The following PDLIM1 variants were observed in gnomAD, a reference collection of about 807,000 sequenced individuals.
The protein encoded by PDLIM1 is PDZ and LIM domain protein 1.
In PDLIM1, 25 loss-of-function variants were observed where a neutral mutation model predicts 35.2. The observed-to-expected ratio is 0.71, with a 90% CI of 0.52 to 0.99. The LOEUF is 0.99. Ranked by LOEUF, PDLIM1 falls within the 50% of genes least tolerant of loss-of-function variation. The pLI, the probability that PDLIM1 is intolerant of heterozygous loss-of-function variation, is 0.00. For missense variants in PDLIM1, 363 were observed against 415.3 expected (o/e 0.87, Z 1.09); for synonymous variants, 152 against 154.0 (o/e 0.99, Z 0.10).
intron 1 of PDLIM1, among the ~76,000 whole-genome samples, chr10:95,288,213 A>C (rs1564608006): frequency 1.3e-5 from 2 of 152,238 alleles, no homozygotes; most frequent in Admixed American, 6.5e-5. Flanking sequence ...GCAAGTACAT[A>C]AGATTAGCAT....
intron 1 of PDLIM1, among the ~76,000 whole-genome samples, chr10:95,288,813 G>A (rs888181286): frequency 2.0e-5 from 3 of 152,166 alleles, no homozygotes; most frequent in African/African-American, 7.2e-5. Context: ...TAAAGCACCT[G>A]CCAAGGGCAT....
intron 1 of PDLIM1, among the ~76,000 whole-genome samples, chr10:95,282,134 G>A (rs1323550686): frequency 2.0e-5 from 3 of 152,194 alleles, no homozygotes; most frequent in African/African-American, 7.2e-5. Context: ...AATGCTACAT[G>A]CCTTTAAGCA....
chr10:95,288,394 A>T (rs1026650476), intron 1 of PDLIM1, among the ~76,000 whole-genome samples: 2 of 152,206 alleles, frequency 1.3e-5, no homozygotes, highest in Non-Finnish European at 2.9e-5. Flanking sequence ...AAACTATACC[A>T]GCAAATTGCC....
At chr10:95,256,986 A>AAAAGAAAGAAAAAGAAAGAAAG (rs1554832105) in intron 4 of PDLIM1, among the ~76,000 whole-genome samples, 1 of 61,658 alleles carries the variant, frequency 1.6e-5, no homozygotes, top group East Asian at 3.3e-4. Flanking sequence ...AAAAAAAAAA[A>AAAAGAAAGAAAAAGAAAGAAAG]AAAGAAAGAA....
chr10:95,270,193 G>A, intron 2 of PDLIM1, among the ~76,000 whole-genome samples: 1 of 152,120 alleles, frequency 6.6e-6, no homozygotes, highest in East Asian at 1.9e-4. Context: ...GATAGAAATG[G>A]AGATGAGAAT....
chr10:95,252,846 A>T (rs2035277939), intron 4 of PDLIM1, among the ~76,000 whole-genome samples: 1 of 152,156 alleles, frequency 6.6e-6, no homozygotes, highest in African/African-American at 2.4e-5. Flanking sequence ...GATCATAGAA[A>T]AATAGAATGG....
intron 2 of PDLIM1, among the ~76,000 whole-genome samples, chr10:95,270,281 A>G (rs2035452863): frequency 6.6e-6 from 1 of 151,850 alleles, no homozygotes; most frequent in Non-Finnish European, 1.5e-5. Context: ...AGTGTACAAA[A>G]TATTTTTATA....
intron 1 of PDLIM1, among the ~76,000 whole-genome samples, chr10:95,287,697 G>A (rs186619507): frequency 7.9e-5 from 12 of 152,060 alleles, no homozygotes; most frequent in Non-Finnish European, 4.4e-5. Context: ...TCAAGGAAAT[G>A]GGCAAGTGTT....
chr10:95,262,370 A>G (rs2026679), intron 4 of PDLIM1, among the ~76,000 whole-genome samples: 92,311 of 152,060 alleles, frequency 0.61, 29,520 homozygotes, highest in Non-Finnish European at 0.7. Context: ...ATTCCAAGTG[A>G]GAAAGGTTCT....
At chr10:95,268,683 C>A in intron 3 of PDLIM1, 95 bp downstream of exon 3, 1 of 826,704 alleles carries the variant, frequency 1.2e-6, no homozygotes, top group Non-Finnish European at 2.1e-6. Flanking sequence ...ATCCCCAGGC[C>A]TCCAGGGCAG....
Position 95,237,846 on chromosome 10 carries a change from A to G in PDLIM1, c.*79T>C. ...AAACCAAAGTAAGCAGAGAACTTTCAAGAGAGGAGAGGGCCAGAACACTGA... is the reference window on the plus strand; with the variant it reads ...AAACCAAAGTAAGCAGAGAACTTTCGAGAGAGGAGAGGGCCAGAACACTGA... On this transcript the variant is annotated 3_prime_UTR_variant, in exon 7 of 7. Transcript: ENST00000329399. 1.6e-6 allele frequency: 2 copies of G among 1,270,230 alleles called. No individual in the cohort carries two copies. Among genetic ancestry groups the G allele is most frequent in the African/African-American group, 1.5e-5 (1 of 67,616 alleles). The allele number at this position is 1,270,230 out of a possible 1,614,324, so 78.7% of individuals were successfully genotyped here. A position where few individuals can be genotyped will look rare whatever the true frequency, so the allele number is the denominator to read the frequency against.
At chr10:95,279,548 T>C (rs917758157) in intron 1 of PDLIM1, among the ~76,000 whole-genome samples, 6 of 152,170 alleles carry the variant, frequency 3.9e-5, no homozygotes, top group Non-Finnish European at 2.9e-5. Context: ...TGCCAGTTTT[T>C]AGGGGAAATC....
intron 3 of PDLIM1, among the ~76,000 whole-genome samples, chr10:95,267,387 G>A (rs977397330): frequency 2.6e-5 from 4 of 152,088 alleles, no homozygotes; most frequent in Non-Finnish European, 4.4e-5. Context: ...AACATTTATG[G>A]TAAATTTAAT....
rs1338341427 is a variant in PDLIM1 at position 95,247,251 on chromosome 10, A to G, written c.649T>C (p.Leu217=). The stretch of plus-strand genomic sequence containing the variant: ...GACTCCAGGATTTCCTGCAAAACCA[A>G]GAAAGACGTGGACTGTTTCGGGGGC... The part of the protein sequence containing the change: ...NEPPKQSTSF[L]VLQEILESEE... Residue 217 remains leucine (L), a synonymous_variant, in exon 5 of 7, where the codon TTG becomes CTG. Coordinates refer to ENST00000329399, the MANE Select transcript of PDLIM1 (RefSeq NM_020992.4). The G allele has an allele frequency of 1.2e-6, 2 of 1,613,860 alleles. No individual in the cohort carries two copies. Among genetic ancestry groups the G allele is most frequent in the East Asian group, 4.5e-5 (2 of 44,876 alleles).
chr10:95,289,689 C>A (rs1412891920), intron 1 of PDLIM1, among the ~76,000 whole-genome samples: 2 of 152,204 alleles, frequency 1.3e-5, no homozygotes, highest in Non-Finnish European at 2.9e-5. Context: ...CTCCACCCTT[C>A]CCCCAACCCC....
rs777131171 is a variant in PDLIM1 at position 95,263,875 on chromosome 10, C to T, written c.522G>A (p.Ala174=). 24 of 1,611,700 alleles carry T rather than the reference C, an allele frequency of 1.5e-5. No individual in the cohort carries two copies. The East Asian group carries it at 4.5e-4, about 30-fold the overall frequency. ...ESKTAASGVE[A]NSRPLDHAQP... is the part of the protein sequence containing the mutation. ...CCTGGGCTACTTACGGTCTGCTGTTCGCCTCCACCCCGCTGGCAGCAGTCT... is the reference window on the plus strand; with the variant it reads ...CCTGGGCTACTTACGGTCTGCTGTTTGCCTCCACCCCGCTGGCAGCAGTCT... The change falls in exon 4 of 7, where the codon GCG becomes GCA. Residue 174 remains alanine, a synonymous_variant. Transcript: ENST00000329399.
chr10:95,288,265 A>G (rs1385509813), intron 1 of PDLIM1, among the ~76,000 whole-genome samples: 1 of 152,246 alleles, frequency 6.6e-6, no homozygotes, highest in African/African-American at 2.4e-5. Flanking sequence ...GACTGGAGCC[A>G]ATACCACAAT....
At chr10:95,287,665 T>A (rs1439348361) in intron 1 of PDLIM1, among the ~76,000 whole-genome samples, 2 of 151,794 alleles carry the variant, frequency 1.3e-5, no homozygotes, top group African/African-American at 4.8e-5. Flanking sequence ...ACATGGAAAA[T>A]TTTTTTAATT....
At chr10:95,279,584 T>TTG (rs1487341881) in intron 1 of PDLIM1, among the ~76,000 whole-genome samples, 1 of 152,230 alleles carries the variant, frequency 6.6e-6, no homozygotes, top group Non-Finnish European at 1.5e-5. Context: ...TCCACATCAT[T>TTG]TGTTGATTCA....
Sources: gnomAD v4.1 joint callset for allele counts (sites outside exome capture counted in the v4.1 genomes callset) on GRCh38, gnomAD v4.1.1 for gene constraint, MANE v1.5 for transcripts, NCBI Gene and HGNC (gene_info 2026-07-23, HGNC 2026-07-21) for gene names.